Variants in ARMH3 observed in about 807,000 individuals in gnomAD.
ARMH3 encodes the protein armadillo-like helical domain-containing protein 3.
In ARMH3, 60 loss-of-function variants were observed where a neutral mutation model predicts 99.1. That is an observed-to-expected ratio of 0.61 (90% CI 0.49 to 0.75). The LOEUF is 0.75. ARMH3 is among the 30% of genes least tolerant of loss of function. The probability of loss-of-function intolerance (pLI) is 0.00; values close to 1 mark genes in which losing one functional copy is unlikely to be tolerated. For missense variants in ARMH3, 679 were observed against 843.1 expected (o/e 0.81, Z 2.41); for synonymous variants, 285 against 292.8 (o/e 0.97, Z 0.27).
intron 22 of ARMH3, among the ~76,000 whole-genome samples, chr10:101,950,006 C>T (rs1844717022): frequency 6.6e-6 from 1 of 152,034 alleles, no homozygotes; most frequent in Non-Finnish European, 1.5e-5. Flanking sequence ...TTTCCTCAAC[C>T]AGATAGAGGG....
chr10:101,976,250 G>C (rs1302143823), intron 19 of ARMH3, among the ~76,000 whole-genome samples: 1 of 147,416 alleles, frequency 6.8e-6, no homozygotes, highest in Admixed American at 6.8e-5. Context: ...TGAGGCAGGA[G>C]AATCGCTTGA....
intron 24 of ARMH3, among the ~76,000 whole-genome samples, chr10:101,881,209 G>A (rs1197338022): frequency 4.6e-5 from 7 of 152,138 alleles, no homozygotes; most frequent in Non-Finnish European, 1.0e-4. Context: ...CTTAAACTTA[G>A]GAATCTGGTT....
intron 23 of ARMH3, among the ~76,000 whole-genome samples, chr10:101,921,290 A>G (rs1193065169): frequency 6.6e-6 from 1 of 152,194 alleles, no homozygotes; most frequent in African/African-American, 2.4e-5. Flanking sequence ...GTTCCAGAAC[A>G]GGTACAACTA....
intron 23 of ARMH3, among the ~76,000 whole-genome samples, chr10:101,923,688 A>G (rs1843390846): frequency 6.6e-6 from 1 of 152,232 alleles, no homozygotes; most frequent in South Asian, 2.1e-4. Flanking sequence ...TAATTTCTCA[A>G]CAAAAGAACT....
At chr10:102,036,236 GC>G (rs1285400443) in intron 2 of ARMH3, among the ~76,000 whole-genome samples, 1 of 147,606 alleles carries the variant, frequency 6.8e-6, no homozygotes, top group Non-Finnish European at 1.5e-5. Context: ...CCGGCCAGCC[GC>G]CCCGTCCGGG....
At chr10:101,919,943 G>A (rs918793032) in intron 23 of ARMH3, among the ~76,000 whole-genome samples, 1 of 152,126 alleles carries the variant, frequency 6.6e-6, no homozygotes, top group Non-Finnish European at 1.5e-5. Flanking sequence ...CTGAGCTTCT[G>A]TCTCTGAATT....
chr10:102,041,090 A>AATATATATATATATATATATAAT (rs2067406098), intron 1 of ARMH3, among the ~76,000 whole-genome samples: 1 of 132,642 alleles, frequency 7.5e-6, no homozygotes, highest in African/African-American at 2.7e-5. Flanking sequence ...ATATATATAT[A>AATATATATATATATATATATAAT]ATATATATAT....
At chr10:102,035,935 C>T (rs2067247037) in intron 2 of ARMH3, among the ~76,000 whole-genome samples, 1 of 151,650 alleles carries the variant, frequency 6.6e-6, no homozygotes, top group African/African-American at 2.4e-5. Context: ...CTCTTCCCAG[C>T]GGCCATCCCG....
intron 8 of ARMH3, among the ~76,000 whole-genome samples, chr10:102,020,256 C>T (rs1175077992): frequency 1.3e-5 from 2 of 151,256 alleles, no homozygotes; most frequent in African/African-American, 4.9e-5. Context: ...GATAGTTGGC[C>T]AGGCACGGTA....
intron 5 of ARMH3, among the ~76,000 whole-genome samples, chr10:102,028,051 CA>C (rs926054840): frequency 1.4e-3 from 195 of 136,042 alleles, no homozygotes; most frequent in Middle Eastern, 3.7e-3. Context: ...GACTTTTCTC[CA>C]AAAAAAAAAA....
chr10:101,931,894 G>A (rs531573969), intron 23 of ARMH3, among the ~76,000 whole-genome samples: 4 of 152,156 alleles, frequency 2.6e-5, no homozygotes, highest in Non-Finnish European at 4.4e-5. Flanking sequence ...AGCAACAAGC[G>A]AAAAAATAGC....
At chr10:102,038,996 C>G (rs1207864595) in intron 2 of ARMH3, among the ~76,000 whole-genome samples, 1 of 152,154 alleles carries the variant, frequency 6.6e-6, no homozygotes, top group Non-Finnish European at 1.5e-5. Flanking sequence ...CCCACTCAGC[C>G]TCCCAAAGTG....
chr10:101,963,221 C>T (rs1845381471), intron 20 of ARMH3, among the ~76,000 whole-genome samples: 1 of 151,484 alleles, frequency 6.6e-6, no homozygotes, highest in Non-Finnish European at 1.5e-5. Flanking sequence ...TGGCTCACTG[C>T]AACCTCCACC....
At chr10:102,041,090 A>AATATATATATATATATAT (rs59124276) in intron 1 of ARMH3, among the ~76,000 whole-genome samples, 1 of 132,640 alleles carries the variant, frequency 7.5e-6, no homozygotes, top group Admixed American at 7.7e-5. Context: ...ATATATATAT[A>AATATATATATATATATAT]ATATATATAT....
intron 20 of ARMH3, among the ~76,000 whole-genome samples, chr10:101,959,611 C>A (rs1381280082): frequency 6.6e-6 from 1 of 152,150 alleles, no homozygotes; most frequent in African/African-American, 2.4e-5. Flanking sequence ...ATTTATTGCT[C>A]CTCTGCTGGA....
intron 23 of ARMH3, among the ~76,000 whole-genome samples, chr10:101,924,350 GC>G (rs556674288): frequency 1.8e-3 from 273 of 151,102 alleles, no homozygotes; most frequent in African/African-American, 6.3e-3. Flanking sequence ...TGGTCTTTGT[GC>G]TTTTCTGCAT....
intron 25 of ARMH3, 61 bp downstream of exon 25, chr10:101,849,715 G>A: frequency 7.0e-7 from 1 of 1,420,196 alleles, no homozygotes; most frequent in Non-Finnish European, 9.9e-7. Context: ...CAGATAAACT[G>A]CAGAACCCAG....
rs199940981 is a variant in ARMH3 at position 101,847,595 on chromosome 10, C to T, written c.2003G>A (p.Arg668Gln). ...ELVRSISTNV[R>Q]RNLAFHTLSQ... The stretch of plus-strand genomic sequence containing the variant: ...GAGTGTGTGGAAGGCCAGGTTTCTC[C>T]GGACGTTGGTGCTAATGGATCGAAC... The change falls in exon 26 of 26, where the codon CGG becomes CAG. Residue 668 changes from arginine (R) to glutamine (Q), a missense_variant. Physicochemically the swap from Arg to Gln is conservative, Grantham distance 43 (BLOSUM62 1). Around this residue, in one of 3 missense-constraint regions of ARMH3, gnomAD observed 389 missense variants for 456.5 expected, o/e 0.85. Coordinates refer to ENST00000370033, the MANE Select transcript of ARMH3 (RefSeq NM_024541.3). 1.5e-5 allele frequency: 25 copies of T among 1,614,014 alleles called. No homozygotes were observed. In the African/African-American group the frequency reaches 1.7e-4, roughly 11 times the overall value.
intron 8 of ARMH3, among the ~76,000 whole-genome samples, chr10:102,021,031 A>C (rs2066873298): frequency 6.6e-6 from 1 of 152,038 alleles, no homozygotes; most frequent in South Asian, 2.1e-4. Context: ...AAGATCAACA[A>C]CTATTTTATA....
Sources: allele counts gnomAD v4.1 joint callset (sites outside exome capture counted in the v4.1 genomes callset), GRCh38; gene constraint gnomAD v4.1.1; regional missense constraint gnomAD v4.1.1; transcripts MANE v1.5; gene names NCBI Gene and HGNC (gene_info 2026-07-23, HGNC 2026-07-21).